Variants in SNTG1 observed in about 807,000 individuals in gnomAD.
The protein encoded by SNTG1 is syntrophin gamma 1.
Under a neutral mutation model 74.7 loss-of-function variants are expected in SNTG1, and 39 were observed. That is an observed-to-expected ratio of 0.52 (90% CI 0.40 to 0.68). The LOEUF is 0.68. Among genes scored for constraint, SNTG1 ranks in the 30% least tolerant of loss-of-function variants. SNTG1 has a pLI of 0.00. For missense variants in SNTG1, 685 were observed against 609.5 expected (o/e 1.12, Z -1.30); for synonymous variants, 254 against 217.1 (o/e 1.17, Z -1.49).
intron 2 of SNTG1, among the ~76,000 whole-genome samples, chr8:50,264,589 GA>G (rs1170996389): frequency 6.7e-6 from 1 of 149,038 alleles, no homozygotes; most frequent in Non-Finnish European, 1.5e-5. Flanking sequence ...AAAAAAAGAA[GA>G]AAGAAACCAG....
chr8:50,271,963 C>G (rs1439481075), intron 2 of SNTG1, among the ~76,000 whole-genome samples: 1 of 152,050 alleles, frequency 6.6e-6, no homozygotes, highest in East Asian at 1.9e-4. Flanking sequence ...CCAGGGAGCT[C>G]TTTTGTTTTT....
At chr8:50,650,174 T>C (rs1415590069) in intron 13 of SNTG1, among the ~76,000 whole-genome samples, 1 of 152,028 alleles carries the variant, frequency 6.6e-6, no homozygotes, top group South Asian at 2.1e-4. Flanking sequence ...TTAAAGACAA[T>C]TTCTATTTAT....
intron 1 of SNTG1, among the ~76,000 whole-genome samples, chr8:50,054,822 C>A (rs557653437): frequency 6.6e-6 from 1 of 152,044 alleles, no homozygotes; most frequent in African/African-American, 2.4e-5. Context: ...CAGGTGTGCA[C>A]CACCATGCCC....
intron 13 of SNTG1, among the ~76,000 whole-genome samples, chr8:50,592,675 T>C (rs2094699823): frequency 6.6e-6 from 1 of 152,226 alleles, no homozygotes; most frequent in South Asian, 2.1e-4. Context: ...TTAGTATTCA[T>C]CATTTTTATT....
intron 1 of SNTG1, among the ~76,000 whole-genome samples, chr8:49,974,964 A>G (rs1240534590): frequency 2.0e-5 from 3 of 152,068 alleles, no homozygotes; most frequent in African/African-American, 4.8e-5. Context: ...GAAACTAGAG[A>G]AAGAACATGG....
chr8:49,918,827 G>A (rs1182969606), intron 1 of SNTG1, among the ~76,000 whole-genome samples: 1 of 151,994 alleles, frequency 6.6e-6, no homozygotes, highest in Non-Finnish European at 1.5e-5. Flanking sequence ...ATTGGTATTT[G>A]TATATTTTAA....
intron 15 of SNTG1, among the ~76,000 whole-genome samples, chr8:50,660,103 G>T (rs1427928866): frequency 6.6e-6 from 1 of 152,010 alleles, no homozygotes; most frequent in Non-Finnish European, 1.5e-5. Context: ...GCCTCCCAAA[G>T]TGTTAGGATT....
intron 1 of SNTG1, among the ~76,000 whole-genome samples, chr8:50,102,021 G>C (rs952663297): frequency 6.6e-6 from 1 of 151,984 alleles, no homozygotes; most frequent in African/African-American, 2.4e-5. Flanking sequence ...ATAAACATAC[G>C]TGTGCATGTG....
At chr8:50,488,665 A>G (rs2093821097) in intron 8 of SNTG1, among the ~76,000 whole-genome samples, 1 of 152,164 alleles carries the variant, frequency 6.6e-6, no homozygotes, top group Non-Finnish European at 1.5e-5. Context: ...AGCACTAGGC[A>G]ATGACCATGA....
Position 50,768,753 on chromosome 8 carries a change from T to C in SNTG1, c.1395+16642T>C, listed in dbSNP as rs188365697. 9.0e-4 allele frequency among the ~76,000 whole-genome samples: 137 copies of C among 152,186 alleles called. 2 individuals are homozygous for C. The highest frequency in any genetic ancestry group is 6.8e-3 in the Middle Eastern group (2 of 294). Reference sequence around the variant, plus strand: ...GACAAAATGAGGATGAGGCAGAGCATCTGCTTAATAGCACAGGTCCTGCAT... The same window carrying C: ...GACAAAATGAGGATGAGGCAGAGCACCTGCTTAATAGCACAGGTCCTGCAT... On this transcript the variant is annotated intron_variant, in intron 18 of 18. Transcript: ENST00000642720.
At position 50,640,732 on chromosome 8, in the gene SNTG1, A is replaced by C. The variant is rs574674240; in HGVS notation, c.850-16177A>C. Among the ~76,000 whole-genome samples the C allele has an allele frequency of 1.9e-4, 29 of 152,240 alleles. 1 individual carries two copies. The South Asian group carries it at 5.8e-3, about 30-fold the overall frequency. The stretch of plus-strand genomic sequence containing the variant: ...TCTGCTCTTGATCTGCTCTTCTTTG[A>C]TGACCTTAGTCTTCATGTCTCCTTA... On this transcript the variant is annotated intron_variant, in intron 13 of 18. Transcript: ENST00000642720.
At chr8:50,536,539 ACTT>A (rs1738018882) in intron 10 of SNTG1, 136 bp from the exon 11 acceptor site, 1 of 968,448 alleles carries the variant, frequency 1.0e-6, no homozygotes. Flanking sequence ...CATAATTTGG[ACTT>A]CTTCTCATGG....
chr8:50,371,417 C>G (rs2092265698), intron 2 of SNTG1, among the ~76,000 whole-genome samples: 1 of 152,216 alleles, frequency 6.6e-6, no homozygotes, highest in Admixed American at 6.5e-5. Flanking sequence ...GCTTCTCCCT[C>G]CCAGCATATT....
intron 8 of SNTG1, among the ~76,000 whole-genome samples, chr8:50,481,286 C>G (rs1037635625): frequency 6.6e-6 from 1 of 152,146 alleles, no homozygotes. Flanking sequence ...GAGGCTGAGG[C>G]GGGAGAATTG....
At chr8:50,165,666 T>C (rs2082588473) in intron 1 of SNTG1, among the ~76,000 whole-genome samples, 1 of 152,220 alleles carries the variant, frequency 6.6e-6, no homozygotes, top group African/African-American at 2.4e-5. Context: ...TTTTCCTTCT[T>C]CAGTGATTTG....
chr8:50,003,636 A>T (rs1814950771), intron 1 of SNTG1, among the ~76,000 whole-genome samples: 1 of 152,174 alleles, frequency 6.6e-6, no homozygotes, highest in South Asian at 2.1e-4. Context: ...AACCTTTTAG[A>T]AGGAAACTCT....
intron 15 of SNTG1, among the ~76,000 whole-genome samples, chr8:50,676,795 T>C (rs2095311214): frequency 6.6e-6 from 1 of 152,006 alleles, no homozygotes; most frequent in Admixed American, 6.6e-5. Flanking sequence ...TTGTTTATTC[T>C]TTTGTTTAAA....
chr8:50,504,722 G>A (rs1274772555), intron 9 of SNTG1, among the ~76,000 whole-genome samples: 1 of 152,130 alleles, frequency 6.6e-6, no homozygotes, highest in Non-Finnish European at 1.5e-5. Flanking sequence ...GATGGCTTGA[G>A]CCTGGTAGGC....
chr8:50,733,990 T>C (rs1338457617), intron 17 of SNTG1, among the ~76,000 whole-genome samples: 1 of 151,900 alleles, frequency 6.6e-6, no homozygotes, highest in Admixed American at 6.6e-5. Flanking sequence ...GTAATTTTTC[T>C]ATAACTTAGA....
Sources: allele counts gnomAD v4.1 joint callset (sites outside exome capture counted in the v4.1 genomes callset), GRCh38; gene constraint gnomAD v4.1.1; transcripts MANE v1.5; gene names NCBI Gene and HGNC (gene_info 2026-07-23, HGNC 2026-07-21).